TMEM65: variants seen among roughly 807,000 people sequenced by gnomAD.
TMEM65 encodes the protein transmembrane protein 65.
In TMEM65, 22 loss-of-function variants were observed where a neutral mutation model predicts 25.4. The ratio of observed to expected loss-of-function variants is 0.86; its 90% CI spans 0.62 to 1.23. The LOEUF (loss-of-function observed/expected upper bound fraction) is 1.23. Among genes scored for constraint, TMEM65 ranks in the 50% most tolerant of loss-of-function variants. TMEM65 has a pLI of 0.00. For missense variants in TMEM65, 262 were observed against 308.2 expected, an observed-to-expected ratio of 0.85 and a Z score of 1.12; for synonymous variants, 132 against 126.2, an observed-to-expected ratio of 1.05 and a Z score of -0.31.
At chr8:124,320,041 C>A in intron 6 of TMEM65, 45 bp downstream of exon 6, 1 of 1,495,074 alleles carries the variant, frequency 6.7e-7, no homozygotes, top group Non-Finnish European at 9.3e-7. Flanking sequence ...CAGAATCTTG[C>A]TCTGGCTACC....
At chr8:124,330,517 C>T (rs994927318) in intron 2 of TMEM65, among the ~76,000 whole-genome samples, 1 of 151,850 alleles carries the variant, frequency 6.6e-6, no homozygotes, top group Non-Finnish European at 1.5e-5. Context: ...TTCTAAATGG[C>T]AACAATATTT....
rs1051588927 is a variant in TMEM65, at chr8:124,308,097, G to A, written c.*5863C>T. On this transcript the variant is annotated 3_prime_UTR_variant, in exon 7 of 7. Transcript: ENST00000297632. ...GGCAGTATAACAAGAAGGCCTGGAC[G>A]ACAAGAACCCTTTTTCTGGATTGGC... 2 of 152,102 alleles carry A rather than the reference G, an allele frequency of 1.3e-5. No homozygotes were observed. The highest frequency in any genetic ancestry group is 2.9e-5 in the Non-Finnish European group (2 of 68,028). The allele number at this position is 152,102 out of a possible 1,614,324, so 9.4% of individuals were successfully genotyped here.
intron 1 of TMEM65, among the ~76,000 whole-genome samples, chr8:124,359,796 T>C: frequency 6.6e-6 from 1 of 151,932 alleles, no homozygotes; most frequent in Non-Finnish European, 1.5e-5. Context: ...AAACAACTAA[T>C]TGATAACGAA....
intron 1 of TMEM65, among the ~76,000 whole-genome samples, chr8:124,358,784 C>T (rs1165383868): frequency 1.3e-5 from 2 of 152,168 alleles, no homozygotes; most frequent in Non-Finnish European, 2.9e-5. Context: ...GATCCAAAGT[C>T]GAGCTCCCAG....
chr8:124,352,437 G>C (rs1391198607), intron 1 of TMEM65, among the ~76,000 whole-genome samples: 1 of 150,012 alleles, frequency 6.7e-6, no homozygotes, highest in Non-Finnish European at 1.5e-5. Flanking sequence ...TTTCTTAGAA[G>C]TCAAATGTTT....
chr8:124,365,997 G>T (rs185436254), intron 1 of TMEM65, among the ~76,000 whole-genome samples: 1 of 152,298 alleles, frequency 6.6e-6, no homozygotes, highest in East Asian at 1.9e-4. Context: ...GAGGCAGGAG[G>T]ATTGCTTGAG....
rs924126467 is a variant in TMEM65 at position 124,339,092 on chromosome 8, G to A, written c.305-8300C>T. ...TAGTCCCAGCTACTCAGGAGGCTGC[G>A]GCAGGTGAATCACTTGAACCTCAGA... On this transcript the variant is annotated intron_variant, in intron 1 of 6. Coordinates refer to ENST00000297632, the MANE Select transcript of TMEM65 (RefSeq NM_194291.3). 5.4e-5 allele frequency among the ~76,000 whole-genome samples: 8 copies of A among 148,658 alleles called. No individual in the cohort carries two copies. The East Asian group carries it at 1.0e-3, about 19-fold the overall frequency.
At chr8:124,366,136 C>T (rs1368091136) in intron 1 of TMEM65, among the ~76,000 whole-genome samples, 3 of 152,174 alleles carry the variant, frequency 2.0e-5, no homozygotes, top group Non-Finnish European at 4.4e-5. Flanking sequence ...GCAGGAGAAT[C>T]GCTTGAACCC....
In TMEM65 at chr8:124,323,316, A is replaced by G; in HGVS notation, c.472+5T>C. On this transcript the variant is annotated splice_donor_5th_base_variant and intron_variant, in intron 4 of 6. Transcript: ENST00000297632. ...GAAATAATAACATTTACTACTGTTAAATACCTGCCATAGTTGAAATTCCCA... is the reference window on the plus strand; with the variant it reads ...GAAATAATAACATTTACTACTGTTAGATACCTGCCATAGTTGAAATTCCCA... 1 of 1,453,088 alleles carries G rather than the reference A, an allele frequency of 6.9e-7. No homozygotes were observed. Among genetic ancestry groups the G allele is most frequent in the Non-Finnish European group, 9.5e-7 (1 of 1,056,184 alleles). 90.0% of individuals were successfully genotyped at this position (1,453,088 alleles called of 1,614,324 possible).
At chr8:124,321,263 T>C (rs1176225059) in intron 5 of TMEM65, among the ~76,000 whole-genome samples, 5 of 152,184 alleles carry the variant, frequency 3.3e-5, no homozygotes, top group African/African-American at 1.2e-4. Context: ...CTGCTTTGCC[T>C]AGATTATAGG....
In TMEM65 at chr8:124,332,952, T is replaced by C. The variant is rs546736237; in HGVS notation, c.305-2160A>G. Among the ~76,000 whole-genome samples the C allele has an allele frequency of 5.9e-3, 892 of 151,992 alleles. 8 individuals carry two copies. The highest frequency in any genetic ancestry group is 0.02 in the African/African-American group (830 of 41,474). On this transcript the variant is annotated intron_variant, in intron 1 of 6. Coordinates refer to ENST00000297632, the MANE Select transcript of TMEM65 (RefSeq NM_194291.3). ...TCCCGAGTAGCTGGGACTACAGGTG[T>C]GTGCCACCACACCTGGCTAATTTTG...
Position 124,317,574 on chromosome 8 carries a change from G to A in TMEM65, c.621+2512C>T, listed in dbSNP as rs73332139. ...ATTAAAACACAAATTGCTGGGTTCCGTCTCCAGAACTTTTCATTTTGTGAA... is the reference window on the plus strand; with the variant it reads ...ATTAAAACACAAATTGCTGGGTTCCATCTCCAGAACTTTTCATTTTGTGAA... On this transcript the variant is annotated intron_variant, in intron 6 of 6. Transcript: ENST00000297632. Among the ~76,000 whole-genome samples, 485 of 152,140 alleles carry A rather than the reference G, an allele frequency of 3.2e-3. 4 individuals carry two copies. Among genetic ancestry groups the A allele is most frequent in the African/African-American group, 0.011 (460 of 41,508 alleles).
At chr8:124,366,484 T>A (rs187992551) in intron 1 of TMEM65, among the ~76,000 whole-genome samples, 5 of 151,990 alleles carry the variant, frequency 3.3e-5, no homozygotes, top group Non-Finnish European at 5.9e-5. Context: ...ATGACCTCCA[T>A]AGATACCATA....
intron 1 of TMEM65, among the ~76,000 whole-genome samples, chr8:124,331,328 T>A (rs1401734877): frequency 1.3e-5 from 2 of 148,476 alleles, no homozygotes; most frequent in Non-Finnish European, 1.5e-5. Flanking sequence ...TCTGTTGATA[T>A]AACTGAATAT....
intron 1 of TMEM65, among the ~76,000 whole-genome samples, chr8:124,357,324 G>A (rs1267344216): frequency 3.3e-5 from 5 of 152,054 alleles, no homozygotes; most frequent in Non-Finnish European, 7.4e-5. Context: ...ACAATACCCA[G>A]TAAAGCTGAA....
At chr8:124,355,006 GAAC>G (rs1359604277) in intron 1 of TMEM65, among the ~76,000 whole-genome samples, 1 of 152,070 alleles carries the variant, frequency 6.6e-6, no homozygotes, top group African/African-American at 2.4e-5. Flanking sequence ...AAACACAGGA[GAAC>G]AACATGAAGA....
chr8:124,370,202 GA>G (rs144006634), intron 1 of TMEM65, among the ~76,000 whole-genome samples: 3,116 of 152,170 alleles, frequency 0.02, 74 homozygotes, highest in East Asian at 0.1. Context: ...TAATGTATGA[GA>G]AAAAAATTAT....
chr8:124,339,188 T>A (rs1331331675), intron 1 of TMEM65, among the ~76,000 whole-genome samples: 3 of 31,404 alleles, frequency 9.6e-5, no homozygotes, highest in African/African-American at 1.8e-4. Flanking sequence ...CAAGACTCTG[T>A]CTCAAAAAAA....
chr8:124,352,471 C>T (rs554358832), intron 1 of TMEM65, among the ~76,000 whole-genome samples: 1 of 133,898 alleles, frequency 7.5e-6, no homozygotes, highest in African/African-American at 2.9e-5. Flanking sequence ...CTTGAATTTA[C>T]TATCATAAAA....
Sources: gnomAD v4.1 joint callset for allele counts (sites outside exome capture counted in the v4.1 genomes callset) on GRCh38, gnomAD v4.1.1 for gene constraint, MANE v1.5 for transcripts, NCBI Gene and HGNC (gene_info 2026-07-23, HGNC 2026-07-21) for gene names.